Variants in ATXN1 observed in about 807,000 individuals in gnomAD.
ATXN1 encodes ataxin-1.
A neutral mutation model predicts 56.4 loss-of-function variants in ATXN1; 8 were observed. The ratio of observed to expected loss-of-function variants is 0.14; its 90% confidence interval spans 0.08 to 0.26. ATXN1 has a LOEUF of 0.26. Ranked by LOEUF, ATXN1 falls within the 10% of genes least tolerant of loss-of-function variation. ATXN1 has a pLI of 1.00. For missense variants in ATXN1, 987 were observed against 1,106.5 expected (o/e 0.89, Z 1.53); for synonymous variants, 514 against 494.6 (o/e 1.04, Z -0.52).
In ATXN1 at chr6:16,419,174, C is replaced by G. The variant is rs116120591; in HGVS notation, c.-161+66798G>C. Among the ~76,000 whole-genome samples, 1,047 of 152,312 alleles carry G rather than the reference C, an allele frequency of 6.9e-3. 9 individuals are homozygous for G. The highest frequency in any genetic ancestry group is 0.023 in the African/African-American group (967 of 41,564). ...ATGTTGCCTAGGCTAGGCTCAAACT[C>G]TGGGGCTCAAGTGATCCTCCTGCCT... On this transcript the variant is annotated intron_variant, in intron 6 of 7. Coordinates refer to ENST00000436367, the MANE Select transcript of ATXN1 (RefSeq NM_001128164.2).
chr6:16,637,850 C>T (rs1351381651), intron 3 of ATXN1, among the ~76,000 whole-genome samples: 1 of 152,150 alleles, frequency 6.6e-6, no homozygotes, highest in Non-Finnish European at 1.5e-5. Context: ...AAATTTAGGA[C>T]ATGATCACTA....
intron 6 of ATXN1, among the ~76,000 whole-genome samples, chr6:16,473,334 C>T (rs1191990456): frequency 6.6e-6 from 1 of 152,138 alleles, no homozygotes; most frequent in Non-Finnish European, 1.5e-5. Context: ...ACCACACGTT[C>T]TCACTCTTGG....
intron 2 of ATXN1, chr6:16,739,553 C>T: frequency 3.6e-6 from 1 of 279,622 alleles, no homozygotes; most frequent in Non-Finnish European, 7.5e-6. Flanking sequence ...TAAAGACTCC[C>T]CAAGAGCTCA....
At chr6:16,561,795 C>T (rs919647831) in intron 4 of ATXN1, among the ~76,000 whole-genome samples, 2 of 151,974 alleles carry the variant, frequency 1.3e-5, no homozygotes, top group African/African-American at 2.4e-5. Flanking sequence ...AGAGATGCAA[C>T]AGAAGCAGAA....
chr6:16,605,113 C>T (rs1413707637), intron 3 of ATXN1, among the ~76,000 whole-genome samples: 3 of 152,098 alleles, frequency 2.0e-5, no homozygotes, highest in African/African-American at 4.8e-5. Flanking sequence ...TAGTCTTTTA[C>T]GTGAACTGCT....
chr6:16,611,692 A>C (rs1330867952), intron 3 of ATXN1, among the ~76,000 whole-genome samples: 1 of 152,120 alleles, frequency 6.6e-6, no homozygotes, highest in East Asian at 1.9e-4. Context: ...ATTTTTACTG[A>C]CAAGAGATAC....
At chr6:16,494,057 C>CCAAAAA (rs1287844987) in intron 5 of ATXN1, among the ~76,000 whole-genome samples, 2 of 151,454 alleles carry the variant, frequency 1.3e-5, no homozygotes, top group African/African-American at 4.9e-5. Flanking sequence ...GCAAACTGGG[C>CCAAAAA]CAAAAACACC....
At chr6:16,468,542 A>G (rs1002474260) in intron 6 of ATXN1, among the ~76,000 whole-genome samples, 1 of 152,176 alleles carries the variant, frequency 6.6e-6, no homozygotes, top group Non-Finnish European at 1.5e-5. Context: ...TATCAGAGTA[A>G]CTTGTTTCCA....
intron 3 of ATXN1, among the ~76,000 whole-genome samples, chr6:16,611,162 T>A (rs1399479207): frequency 6.6e-6 from 1 of 152,132 alleles, no homozygotes; most frequent in Non-Finnish European, 1.5e-5. Flanking sequence ...ATAAACTGGA[T>A]CAAAACATCT....
rs139790949 is a variant in ATXN1 at position 16,496,052 on chromosome 6, A to G, written c.-298-9943T>C. ...ACAGCACTCATTTTCTTTTTGGTCT[A>G]CTTGTTTTACTAAATTAAAAGCCAA... is the stretch of plus-strand genomic sequence containing the variant. On this transcript the variant is annotated intron_variant, in intron 5 of 7. Coordinates refer to ENST00000436367, the MANE Select transcript of ATXN1 (RefSeq NM_001128164.2). Among the ~76,000 whole-genome samples the G allele has an allele frequency of 5.0e-3, 758 of 152,266 alleles. 7 individuals are homozygous for G. The highest frequency in any genetic ancestry group is 9.0e-3 in the Non-Finnish European group (615 of 68,002).
chr6:16,466,314 T>G (rs958682029), intron 6 of ATXN1, among the ~76,000 whole-genome samples: 7 of 60,174 alleles, frequency 1.2e-4, no homozygotes, highest in African/African-American at 5.5e-4. Flanking sequence ...TCAGACCCCA[T>G]CTCAAAAAAA....
chr6:16,470,023 T>C (rs1344708983), intron 6 of ATXN1, among the ~76,000 whole-genome samples: 5 of 151,758 alleles, frequency 3.3e-5, no homozygotes, highest in Non-Finnish European at 5.9e-5. Flanking sequence ...AAAGAGATAT[T>C]TGCACACTCA....
At chr6:16,498,203 G>T (rs1760814391) in intron 5 of ATXN1, among the ~76,000 whole-genome samples, 1 of 152,140 alleles carries the variant, frequency 6.6e-6, no homozygotes, top group African/African-American at 2.4e-5. Context: ...CTAAGGAGTT[G>T]TCTATTCTGG....
At chr6:16,498,791 T>C (rs1481736795) in intron 5 of ATXN1, among the ~76,000 whole-genome samples, 2 of 152,252 alleles carry the variant, frequency 1.3e-5, no homozygotes, top group African/African-American at 4.8e-5. Context: ...TGGCTATTTA[T>C]ATATCTTCTT....
chr6:16,718,522 G>A (rs933660564), intron 2 of ATXN1, among the ~76,000 whole-genome samples: 14 of 152,214 alleles, frequency 9.2e-5, no homozygotes, highest in Admixed American at 8.5e-4. Context: ...AGGGAGTAAG[G>A]AAGCTGCTGG....
chr6:16,360,609 T>C (rs549406060), intron 6 of ATXN1, among the ~76,000 whole-genome samples: 1 of 152,332 alleles, frequency 6.6e-6, no homozygotes, highest in South Asian at 2.1e-4. Context: ...GAAAACACTG[T>C]TCCTCTTGTT....
chr6:16,448,100 T>C (rs1759670755), intron 6 of ATXN1, among the ~76,000 whole-genome samples: 1 of 152,200 alleles, frequency 6.6e-6, no homozygotes. Context: ...TCCTGGTCCA[T>C]GTCAAGACTT....
intron 2 of ATXN1, among the ~76,000 whole-genome samples, chr6:16,740,686 T>A (rs548617191): frequency 6.6e-6 from 1 of 152,226 alleles, no homozygotes. Flanking sequence ...ATCTAACATA[T>A]AATTTTTTAT....
chr6:16,316,851 G>C (rs1384805679), intron 7 of ATXN1, among the ~76,000 whole-genome samples: 1 of 136,270 alleles, frequency 7.3e-6, no homozygotes, highest in Admixed American at 7.4e-5. Flanking sequence ...GGGGGCAATA[G>C]AGAGACTGCC....
Sources: gnomAD v4.1 joint callset for allele counts (sites outside exome capture counted in the v4.1 genomes callset) on GRCh38, gnomAD v4.1.1 for gene constraint, MANE v1.5 for transcripts, NCBI Gene and HGNC (gene_info 2026-07-23, HGNC 2026-07-21) for gene names.